LTBP1: variants seen among roughly 807,000 people sequenced by gnomAD.
LTBP1 encodes the protein latent-transforming growth factor beta-binding protein 1.
A neutral mutation model predicts 207.6 loss-of-function variants in LTBP1; 129 were observed. The ratio of observed to expected loss-of-function variants is 0.62; its 90% CI spans 0.54 to 0.72. The LOEUF is 0.72. LTBP1 is among the 30% of genes least tolerant of loss of function. The pLI, the probability that LTBP1 is intolerant of heterozygous loss-of-function variation, is 0.00. For synonymous variants in LTBP1, 963 were observed against 833.7 expected (o/e 1.16, Z -2.67); for missense variants, 2,281 against 2,217.2 (o/e 1.03, Z -0.58).
chr2:33,155,294 G>A (rs1028536566), intron 5 of LTBP1, among the ~76,000 whole-genome samples: 5 of 147,580 alleles, frequency 3.4e-5, no homozygotes, highest in East Asian at 2.0e-4. Context: ...TCGAACTCCC[G>A]ACCGACCTCA....
Position 33,155,061 on chromosome 2 carries a change from TCAAAA to T in LTBP1, c.1201+20117_1201+20121del, listed in dbSNP as rs201791877. ...CTGGGCTACAGAGTGAGACTCCATC[TCAAAA>T]CAAAACAAAACAAAAAGTTGAACTA... On this transcript the variant is annotated intron_variant, in intron 5 of 33. Coordinates refer to ENST00000404816, the MANE Select transcript of LTBP1 (RefSeq NM_206943.4). 9.2e-5 allele frequency among the ~76,000 whole-genome samples: 14 copies of T among 152,224 alleles called. No homozygotes were observed. The South Asian group carries it at 1.2e-3, about 14-fold the overall frequency.
At chr2:32,970,114 TG>T (rs1445432914) in intron 2 of LTBP1, among the ~76,000 whole-genome samples, 4 of 152,232 alleles carry the variant, frequency 2.6e-5, no homozygotes, top group Non-Finnish European at 5.9e-5. Flanking sequence ...TTAATGGGAT[TG>T]TTTGTGTTTT....
At position 33,375,238 on chromosome 2, in the gene LTBP1, T is replaced by G. The variant is rs537215388; in HGVS notation, c.4711+9735T>G. 1.1e-4 allele frequency among the ~76,000 whole-genome samples: 17 copies of G among 152,302 alleles called. No individual in the cohort carries two copies. The East Asian group carries it at 2.9e-3, about 26-fold the overall frequency. ...GGATTGGCCTACAGTAAATGCGCCA[T>G]AGCGAAAGGCGTTAGCAATTATTAT... On this transcript the variant is annotated intron_variant, in intron 31 of 33. Transcript: ENST00000404816.
Position 33,309,497 on chromosome 2 carries a change from G to A in LTBP1, c.3545G>A (p.Gly1182Glu). The A allele has an allele frequency of 6.2e-7, 1 of 1,609,114 alleles. No individual in the cohort carries two copies. The highest frequency in any genetic ancestry group is 8.5e-7 in the Non-Finnish European group (1 of 1,177,250). ...CQRGDCINTA[G>E]SYDCTCPDGF... The stretch of plus-strand genomic sequence containing the variant: ...AGAGGAGACTGCATTAATACTGCAG[G>A]GTCCTATGATTGTACTTGTCCGGAT... The change falls in exon 23 of 34, where the codon GGG becomes GAG. Residue 1182 changes from glycine to glutamate, a missense_variant. Gly to Glu is a moderately conservative substitution (Grantham distance 98). Around this residue, in one of 3 missense-constraint regions of LTBP1, gnomAD observed 1,671 missense variants for 1,634.8 expected, o/e 1.02. Transcript: ENST00000404816.
At chr2:33,100,820 A>G (rs2079688418) in intron 3 of LTBP1, among the ~76,000 whole-genome samples, 1 of 152,154 alleles carries the variant, frequency 6.6e-6, no homozygotes, top group South Asian at 2.1e-4. Flanking sequence ...TGTCTGTCTT[A>G]TTTCACTTAG....
At position 33,398,478 on chromosome 2, in the gene LTBP1, A is replaced by G. The variant is rs2095380059; in HGVS notation, c.5099A>G (p.Asp1700Gly). Residue 1700 changes from aspartate to glycine, a missense_variant, in exon 34 of 34, where the codon GAC becomes GGC. Asp to Gly is a moderately conservative substitution (Grantham distance 94, BLOSUM62 -1). Transcript: ENST00000404816. ...TGTCTGCCAGGCTACGTGCCTTCTG[A>G]CAAGCCAAACTACTGCACTCCGTTG... ...CLCLPGYVPSDKPNYCTPLNT... is the reference protein window; with the variant it reads ...CLCLPGYVPSGKPNYCTPLNT... 1 of 1,614,106 alleles carries G rather than the reference A, an allele frequency of 6.2e-7. No homozygotes were observed. The highest frequency in any genetic ancestry group is 8.5e-7 in the Non-Finnish European group (1 of 1,180,040).
chr2:33,320,670 G>C (rs541452457), intron 24 of LTBP1, among the ~76,000 whole-genome samples: 2 of 152,198 alleles, frequency 1.3e-5, no homozygotes, highest in Non-Finnish European at 1.5e-5. Context: ...TCTTGCAGCT[G>C]TCAACATGAA....
intron 2 of LTBP1, among the ~76,000 whole-genome samples, chr2:32,980,771 T>C (rs1438446170): frequency 6.6e-6 from 1 of 152,208 alleles, no homozygotes; most frequent in African/African-American, 2.4e-5. Flanking sequence ...CAGTCTGGTG[T>C]TGATGAAATC....
In LTBP1 at chr2:32,947,448, G is replaced by GCCTTGCC; in HGVS notation, c.128_134dup (p.Ser46AlafsTer111). ...CCCGGGCCCCGGCCTGGCAGCCGGC[G>GCCTTGCC]CCTTGCCCCTGAGCGGGCCCCCGCG... On this transcript the variant is annotated frameshift_variant, in exon 1 of 34. Transcript: ENST00000404816. LOFTEE classifies it high-confidence loss of function. 1 of 1,443,622 alleles carries GCCTTGCC rather than the reference G, an allele frequency of 6.9e-7. No individual in the cohort carries two copies. The highest frequency in any genetic ancestry group is 9.1e-7 in the Non-Finnish European group (1 of 1,100,808). 89.4% of individuals were successfully genotyped at this position (1,443,622 alleles called of 1,614,324 possible).
intron 3 of LTBP1, chr2:33,056,552 C>G: frequency 2.0e-6 from 1 of 495,018 alleles, no homozygotes; most frequent in Non-Finnish European, 3.5e-6. Flanking sequence ...GGTTCTTGGT[C>G]TCACTGACTT....
At chr2:33,019,550 G>C (rs1429598621) in intron 2 of LTBP1, among the ~76,000 whole-genome samples, 1 of 151,766 alleles carries the variant, frequency 6.6e-6, no homozygotes, top group Admixed American at 6.6e-5. Flanking sequence ...GACCAGGCTG[G>C]TCTCGAACTC....
chr2:33,028,395 C>T (rs968718581), intron 3 of LTBP1, among the ~76,000 whole-genome samples: 4 of 152,150 alleles, frequency 2.6e-5, no homozygotes, highest in Non-Finnish European at 4.4e-5. Context: ...AGAGGCCTAG[C>T]GTGGTGGCTC....
intron 5 of LTBP1, among the ~76,000 whole-genome samples, chr2:33,182,557 A>G (rs2367621): frequency 0.51 from 76,302 of 148,286 alleles, 19,808 homozygotes; most frequent in African/African-American, 0.53. Context: ...AGCTACTCGG[A>G]AGGCTGAGGC....
intron 24 of LTBP1, among the ~76,000 whole-genome samples, chr2:33,333,997 A>G (rs377527338): frequency 6.6e-6 from 1 of 152,234 alleles, no homozygotes; most frequent in Non-Finnish European, 1.5e-5. Flanking sequence ...AATCCAAGGG[A>G]AAAGAGTTCT....
At chr2:33,177,040 G>T (rs1486987537) in intron 5 of LTBP1, among the ~76,000 whole-genome samples, 1 of 152,080 alleles carries the variant, frequency 6.6e-6, no homozygotes, top group East Asian at 1.9e-4. Flanking sequence ...GTGAAGAAGT[G>T]GGGTAGAAAA....
At chr2:33,133,307 C>G (rs1168444712) in intron 4 of LTBP1, among the ~76,000 whole-genome samples, 2 of 152,118 alleles carry the variant, frequency 1.3e-5, no homozygotes, top group African/African-American at 4.8e-5. Context: ...GAGAGACAAG[C>G]TTTTCTGGTG....
chr2:32,995,838 C>T (rs1361397895), intron 2 of LTBP1, among the ~76,000 whole-genome samples: 12 of 152,058 alleles, frequency 7.9e-5, no homozygotes, highest in Non-Finnish European at 1.6e-4. Context: ...GTGTGTCAGC[C>T]TAAGAACATT....
intron 3 of LTBP1, among the ~76,000 whole-genome samples, chr2:33,047,611 TC>T (rs1416471845): frequency 6.6e-6 from 1 of 152,166 alleles, no homozygotes; most frequent in Non-Finnish European, 1.5e-5. Flanking sequence ...GGTGGAGAGT[TC>T]TGTAGACGTC....
At chr2:33,135,059 A>G (rs1545550) in intron 5 of LTBP1, 99 bp downstream of exon 5, 174,838 of 1,239,250 alleles carry the variant, frequency 0.14, 16,174 homozygotes, top group East Asian at 0.5. Context: ...GTCTGCTTCA[A>G]TGGGTGTCTG....
Sources: allele counts gnomAD v4.1 joint callset (sites outside exome capture counted in the v4.1 genomes callset), GRCh38; gene constraint gnomAD v4.1.1; regional missense constraint gnomAD v4.1.1; transcripts MANE v1.5; gene names NCBI Gene and HGNC (gene_info 2026-07-23, HGNC 2026-07-21).